Variants in FCAR observed in about 807,000 individuals in gnomAD.
The protein encoded by FCAR is immunoglobulin alpha Fc receptor.
A neutral mutation model predicts 27.1 loss-of-function variants in FCAR; 21 were observed. The observed-to-expected ratio is 0.77, with a 90% CI of 0.55 to 1.11. The LOEUF (loss-of-function observed/expected upper bound fraction) is 1.11, where lower values mean the gene tolerates loss of function less well. FCAR is among the 50% of genes most tolerant of loss of function. The pLI, the probability that FCAR is intolerant of heterozygous loss-of-function variation, is 0.00. For missense variants in FCAR, 404 were observed against 358.4 expected, an observed-to-expected ratio of 1.13 and a Z score of -1.03; for synonymous variants, 134 against 135.8, an observed-to-expected ratio of 0.99 and a Z score of 0.09.
In FCAR at chr19:54,889,582, G is replaced by C. The variant is rs73619923; in HGVS notation, c.650-67G>C. ...AAAGGAAAATGAGCTCCCGTTTCAG[G>C]GCTCTGGGGTTGGGATGGAATGGAA... On this transcript the variant is annotated intron_variant, in intron 4 of 4. Transcript: ENST00000355524. The C allele has an allele frequency of 1.8e-3, 2,406 of 1,364,218 alleles. 38 individuals are homozygous for C. The African/African-American group carries it at 0.031, about 17-fold the overall frequency. The allele number at this position is 1,364,218 out of a possible 1,614,324, so 84.5% of individuals were successfully genotyped here.
intron 2 of FCAR, among the ~76,000 whole-genome samples, chr19:54,876,694 T>C (rs1366434057): frequency 3.3e-5 from 5 of 152,034 alleles, no homozygotes; most frequent in African/African-American, 4.8e-5. Context: ...CCAAGGCTTG[T>C]GGATCATGAG....
At chr19:54,877,629 A>G (rs967233208) in intron 2 of FCAR, among the ~76,000 whole-genome samples, 1 of 151,882 alleles carries the variant, frequency 6.6e-6, no homozygotes, top group Non-Finnish European at 1.5e-5. Flanking sequence ...CTTGTTTCCT[A>G]TGAGCTTTGG....
intron 3 of FCAR, among the ~76,000 whole-genome samples, chr19:54,887,452 C>A (rs1007707494): frequency 6.6e-6 from 1 of 151,960 alleles, no homozygotes; most frequent in Non-Finnish European, 1.5e-5. Flanking sequence ...GAAACCTCAT[C>A]TTTACTAAAA....
intron 2 of FCAR, among the ~76,000 whole-genome samples, chr19:54,882,474 C>T (rs2066481716): frequency 1.3e-5 from 2 of 149,034 alleles, no homozygotes; most frequent in African/African-American, 2.5e-5. Flanking sequence ...CTTACTCTGT[C>T]GCCCAGGCTG....
intron 2 of FCAR, chr19:54,881,012 C>T (rs1364620871): frequency 6.6e-6 from 1 of 152,272 alleles, no homozygotes; most frequent in Non-Finnish European, 1.5e-5. Flanking sequence ...GGGCTCGGCA[C>T]TCCCAGGCTG....
chr19:54,884,949 C>T (rs1036444468), intron 2 of FCAR, among the ~76,000 whole-genome samples: 2 of 151,892 alleles, frequency 1.3e-5, no homozygotes, highest in Non-Finnish European at 2.9e-5. Context: ...TGGGACTACA[C>T]GCGCCCGCCA....
At position 54,888,014 on chromosome 19, in the gene FCAR, T is replaced by G; in HGVS notation, c.369T>G (p.Tyr123Ter). 6.2e-7 allele frequency: 1 copy of G among 1,611,710 alleles called. No individual in the cohort carries two copies. Among genetic ancestry groups the G allele is most frequent in the African/African-American group, 1.3e-5 (1 of 74,984 alleles). The change falls in exon 4 of 5, where the codon TAT (tyrosine) becomes TAG (stop). Residue 123 changes from tyrosine to a stop codon, truncating the protein, a stop_gained. Transcript: ENST00000355524. LOFTEE classifies it high-confidence loss of function. ...DTLELVVTGL[Y>*]GKPFLSADRG... ...CACTCTTTTCTCTCTTAGGCTTGTA[T>G]GGCAAACCCTTCCTCTCTGCAGATC...
At chr19:54,878,073 G>A (rs952413644) in intron 2 of FCAR, among the ~76,000 whole-genome samples, 7 of 151,930 alleles carry the variant, frequency 4.6e-5, no homozygotes, top group Non-Finnish European at 7.4e-5. Flanking sequence ...CCGCCACCCC[G>A]CCCGGCTAAT....
Position 54,874,294 on chromosome 19 carries a change from A to G in FCAR, c.5A>G (p.Asp2Gly). The G allele has an allele frequency of 6.2e-7, 1 of 1,614,138 alleles. No individual in the cohort carries two copies. The highest frequency in any genetic ancestry group is 1.1e-5 in the South Asian group (1 of 91,068). The change falls in exon 1 of 5, where the codon GAC becomes GGC. Residue 2 changes from aspartate to glycine, a missense_variant. By Grantham distance (94) the Asp-to-Gly change is moderately conservative (BLOSUM62 -1). Transcript: ENST00000355524. ...GGCTGAGGCCGTGTCAGCACGATGG[A>G]CCCCAAACAGACCACCCTCCTGTGT... M[D>G]PKQTTLLCLV... is the part of the protein sequence containing the mutation.
chr19:54,883,371 C>A (rs1289943753), intron 2 of FCAR, among the ~76,000 whole-genome samples: 1 of 152,058 alleles, frequency 6.6e-6, no homozygotes, highest in East Asian at 1.9e-4. Flanking sequence ...TTGGAGGAGC[C>A]TCCTACAGTC....
At chr19:54,875,149 C>T (rs1166498790) in intron 1 of FCAR, among the ~76,000 whole-genome samples, 181 bp from the exon 2 acceptor site, 3 of 150,042 alleles carry the variant, frequency 2.0e-5, no homozygotes, top group Non-Finnish European at 3.0e-5. Flanking sequence ...CCAGCTTGGG[C>T]GACACAGCGA....
intron 1 of FCAR, 142 bp downstream of exon 1, chr19:54,874,465 C>A (rs2065982826): frequency 1.3e-6 from 1 of 782,248 alleles, no homozygotes; most frequent in South Asian, 1.6e-5. Context: ...CCGTCTTTGT[C>A]AATGTATCTA....
At chr19:54,877,804 A>G (rs1453677858) in intron 2 of FCAR, among the ~76,000 whole-genome samples, 2 of 152,214 alleles carry the variant, frequency 1.3e-5, no homozygotes, top group African/African-American at 2.4e-5. Flanking sequence ...CAAAAATTCC[A>G]GAACAGACTG....
rs183206778 is a variant in FCAR at position 54,888,370 on chromosome 19, G to T, written c.649+76G>T. On this transcript the variant is annotated intron_variant, in intron 4 of 4. Transcript: ENST00000355524. ...TGCCACCGGGCAGGAATATGAAGACGTGCACTGAGAGTGAAGTGAAGAGAG... is the reference window on the plus strand; with the variant it reads ...TGCCACCGGGCAGGAATATGAAGACTTGCACTGAGAGTGAAGTGAAGAGAG... 3,582 of 1,563,864 alleles carry T rather than the reference G, an allele frequency of 2.3e-3. 18 individuals carry two copies. The highest frequency in any genetic ancestry group is 0.013 in the South Asian group (1,140 of 85,872).
chr19:54,886,903 C>T (rs587675843), intron 3 of FCAR, among the ~76,000 whole-genome samples: 2 of 152,368 alleles, frequency 1.3e-5, no homozygotes, highest in African/African-American at 2.4e-5. Context: ...TTCATCTCCT[C>T]ATAGCAAAGG....
Position 54,889,832 on chromosome 19 carries a change from C to T in FCAR, c.833C>T (p.Thr278Ile). 2 of 1,607,260 alleles carry T rather than the reference C, an allele frequency of 1.2e-6. No individual in the cohort carries two copies. The highest frequency in any genetic ancestry group is 1.7e-6 in the Non-Finnish European group (2 of 1,179,942). ...WSQQMCQPGL[T>I]FARTPSVCK ...CAACAGATGTGTCAGCCAGGATTGACCTTTGCACGAACACCAAGTGTCTGC... is the reference window on the plus strand; with the variant it reads ...CAACAGATGTGTCAGCCAGGATTGATCTTTGCACGAACACCAAGTGTCTGC... The change falls in exon 5 of 5, where the codon ACC becomes ATC. Residue 278 changes from threonine (T) to isoleucine (I), a missense_variant. Transcript: ENST00000355524.
At chr19:54,888,904 G>T in intron 4 of FCAR, 1 of 985,390 alleles carries the variant, frequency 1.0e-6, no homozygotes, top group Non-Finnish European at 1.2e-6. Flanking sequence ...AGAATGAAAA[G>T]AAAACACAAC....
chr19:54,877,916 A>ATTTTTTTTTT (rs757104692), intron 2 of FCAR, among the ~76,000 whole-genome samples: 2 of 143,464 alleles, frequency 1.4e-5, no homozygotes, highest in South Asian at 2.2e-4. Context: ...TTTGCTAAGG[A>ATTTTTTTTTT]TTGTTTTTTT....
chr19:54,889,853 TCTGC>T lies in FCAR; in HGVS notation c.855_858del (p.Cys286SerfsTer174), dbSNP rs1334234876. The T allele has an allele frequency of 1.2e-6, 2 of 1,602,144 alleles. No homozygotes were observed. The highest frequency in any genetic ancestry group is 2.7e-5 in the African/African-American group (2 of 74,846). On this transcript the variant is annotated frameshift_variant, in exon 5 of 5. Coordinates refer to ENST00000355524, the MANE Select transcript of FCAR (RefSeq NM_002000.4). LOFTEE classifies it high-confidence loss of function. ...TTGACCTTTGCACGAACACCAAGTG[TCTGC>T]AAGTAAACACCTGGAGGTGAAGGCA...
Sources: gnomAD v4.1 joint callset for allele counts (sites outside exome capture counted in the v4.1 genomes callset) on GRCh38, gnomAD v4.1.1 for gene constraint, MANE v1.5 for transcripts, NCBI Gene and HGNC (gene_info 2026-07-23, HGNC 2026-07-21) for gene names.